Variants in PRKCE observed in about 807,000 individuals in gnomAD.
PRKCE encodes protein kinase C epsilon type.
A neutral mutation model predicts 85.4 loss-of-function variants in PRKCE; 16 were observed. The observed-to-expected ratio is 0.19, with a 90% CI of 0.13 to 0.28. PRKCE has a LOEUF of 0.28. Among genes scored for constraint, PRKCE ranks in the 10% least tolerant of loss-of-function variants. The pLI is 1.00. For synonymous variants in PRKCE, 388 were observed against 371.5 expected (o/e 1.04, Z -0.51); for missense variants, 573 against 975.2 (o/e 0.59, Z 5.49).
intron 11 of PRKCE, among the ~76,000 whole-genome samples, chr2:46,105,370 G>T (rs960918660): frequency 6.6e-6 from 1 of 151,566 alleles, no homozygotes; most frequent in African/African-American, 2.4e-5. Flanking sequence ...AAATTAAAAG[G>T]TATTTCACAA....
intron 2 of PRKCE, among the ~76,000 whole-genome samples, chr2:45,849,971 A>G (rs1366822646): frequency 6.6e-6 from 1 of 152,206 alleles, no homozygotes; most frequent in Non-Finnish European, 1.5e-5. Context: ...GCCCCCATCA[A>G]GGAGTTTATA....
chr2:45,688,205 C>T (rs1677451000), intron 1 of PRKCE, among the ~76,000 whole-genome samples: 1 of 152,156 alleles, frequency 6.6e-6, no homozygotes, highest in Non-Finnish European at 1.5e-5. Flanking sequence ...AGAGAGGTCC[C>T]TGAGCAGTTG....
chr2:45,652,067 G>A lies in PRKCE; in HGVS notation c.-34G>A, dbSNP rs372046784. 2.2e-5 allele frequency: 32 copies of A among 1,478,492 alleles called. 1 individual carries two copies. The African/African-American group carries it at 4.4e-4, about 20-fold the overall frequency. 91.6% of individuals were successfully genotyped at this position (1,478,492 alleles called of 1,614,324 possible). On this transcript the variant is annotated 5_prime_UTR_variant, in exon 1 of 15. Transcript: ENST00000306156. This position sits in a 1 kb window ranked among gnomAD's most constrained non-coding sequence, Gnocchi z 7.7. Reference sequence around the variant, plus strand: ...CTTCATTCCTGCCCTCGGGGCAGACGGAGTGACCCCGGCCCCCACTCCCCG... The same window carrying A: ...CTTCATTCCTGCCCTCGGGGCAGACAGAGTGACCCCGGCCCCCACTCCCCG...
At chr2:45,953,800 C>T (rs1700791636) in intron 2 of PRKCE, among the ~76,000 whole-genome samples, 1 of 152,188 alleles carries the variant, frequency 6.6e-6, no homozygotes, top group Non-Finnish European at 1.5e-5. Context: ...TTTCTCAGCA[C>T]TCTCCAGGTG....
Position 45,807,593 on chromosome 2 carries a change from G to A in PRKCE, c.349-35407G>A, listed in dbSNP as rs190110407. Among the ~76,000 whole-genome samples, 20 of 152,304 alleles carry A rather than the reference G, an allele frequency of 1.3e-4. 1 individual carries two copies. In the South Asian group the frequency reaches 2.3e-3, roughly 17 times the overall value. ...CCAGACAAATCATGACTTCCACTCCGTTTCCATTTAGTCGAGGCAAGGTCT... is the reference window on the plus strand; with the variant it reads ...CCAGACAAATCATGACTTCCACTCCATTTCCATTTAGTCGAGGCAAGGTCT... On this transcript the variant is annotated intron_variant, in intron 1 of 14. Coordinates refer to ENST00000306156, the MANE Select transcript of PRKCE (RefSeq NM_005400.3).
At chr2:46,123,669 A>G (rs569849643) in intron 11 of PRKCE, among the ~76,000 whole-genome samples, 66 of 152,126 alleles carry the variant, frequency 4.3e-4, no homozygotes, top group Non-Finnish European at 7.2e-4. Flanking sequence ...TTGTATTAGT[A>G]GAGATAGGGT....
chr2:46,075,019 T>A (rs1668431975), intron 10 of PRKCE, among the ~76,000 whole-genome samples: 2 of 152,162 alleles, frequency 1.3e-5, no homozygotes, highest in Non-Finnish European at 1.5e-5. Context: ...AAGAATACTT[T>A]CATTTCTATG....
At chr2:45,959,268 T>A (rs147348751) in intron 2 of PRKCE, among the ~76,000 whole-genome samples, 24 of 152,266 alleles carry the variant, frequency 1.6e-4, no homozygotes, top group African/African-American at 5.8e-4. Flanking sequence ...CCAGGGCATC[T>A]CTAGAATGAA....
intron 10 of PRKCE, among the ~76,000 whole-genome samples, chr2:46,063,429 C>G (rs1261786967): frequency 1.3e-5 from 2 of 151,310 alleles, no homozygotes; most frequent in African/African-American, 2.4e-5. Flanking sequence ...TTTGTTCCTA[C>G]TTGGTGTTTT....
chr2:46,090,457 A>G (rs1670059932), intron 11 of PRKCE, among the ~76,000 whole-genome samples: 1 of 152,104 alleles, frequency 6.6e-6, no homozygotes, highest in Non-Finnish European at 1.5e-5. Flanking sequence ...TCTGTGATTG[A>G]GAACTCCACC....
intron 2 of PRKCE, among the ~76,000 whole-genome samples, chr2:45,889,220 G>A (rs1695529638): frequency 1.3e-5 from 2 of 152,158 alleles, no homozygotes; most frequent in Non-Finnish European, 2.9e-5. Flanking sequence ...TGTGAGTGCA[G>A]GAGAGCTGAC....
intron 1 of PRKCE, among the ~76,000 whole-genome samples, chr2:45,729,480 A>G (rs1451433987): frequency 1.3e-5 from 2 of 152,046 alleles, no homozygotes; most frequent in Non-Finnish European, 2.9e-5. Context: ...ATATGCATCT[A>G]TGTGTCCCCC....
At chr2:46,074,444 A>G (rs866786835) in intron 10 of PRKCE, among the ~76,000 whole-genome samples, 36 of 151,266 alleles carry the variant, frequency 2.4e-4, no homozygotes, top group African/African-American at 2.2e-4. Flanking sequence ...AAAAAAAAAA[A>G]AAAAGAAAAA....
intron 1 of PRKCE, among the ~76,000 whole-genome samples, chr2:45,655,915 G>T (rs369568224): frequency 1.3e-5 from 2 of 150,862 alleles, no homozygotes; most frequent in African/African-American, 2.4e-5. Context: ...TTGGAAGGAG[G>T]CATGAGCTGA....
intron 4 of PRKCE, 64 bp from the exon 5 acceptor site, chr2:45,980,232 G>C: frequency 1.3e-6 from 2 of 1,517,722 alleles, no homozygotes; most frequent in Non-Finnish European, 1.8e-6. Context: ...GCCCTGAATA[G>C]ATCCTGGGAG....
At chr2:45,684,935 A>G (rs372468803) in intron 1 of PRKCE, among the ~76,000 whole-genome samples, 10 of 152,346 alleles carry the variant, frequency 6.6e-5, no homozygotes, top group African/African-American at 2.4e-4. Flanking sequence ...CCAGGTGAGG[A>G]AGAGCTAGAT....
rs540130736 is a variant in PRKCE, at chr2:45,939,396, C to T, written c.413-37033C>T. The stretch of plus-strand genomic sequence containing the variant: ...TGGGCCTTGGAGCTGCCCTTCCTTC[C>T]GCATGTTGCTCTTTCATCATTTCAT... On this transcript the variant is annotated intron_variant, in intron 2 of 14. Coordinates refer to ENST00000306156, the MANE Select transcript of PRKCE (RefSeq NM_005400.3). 1.7e-3 allele frequency among the ~76,000 whole-genome samples: 258 copies of T among 152,262 alleles called. 1 individual carries two copies. Among genetic ancestry groups the T allele is most frequent in the African/African-American group, 5.1e-3 (212 of 41,558 alleles).
chr2:45,783,095 A>C (rs541564129), intron 1 of PRKCE, among the ~76,000 whole-genome samples: 8 of 152,318 alleles, frequency 5.3e-5, no homozygotes, highest in African/African-American at 1.9e-4. Context: ...CCCAGTGGCC[A>C]GTGTGCACTC....
At chr2:45,662,615 C>T (rs997511283) in intron 1 of PRKCE, among the ~76,000 whole-genome samples, 1 of 151,900 alleles carries the variant, frequency 6.6e-6, no homozygotes, top group Admixed American at 6.6e-5. Flanking sequence ...GGTTAACCTT[C>T]GCACCTGATA....
Sources: allele counts gnomAD v4.1 joint callset (sites outside exome capture counted in the v4.1 genomes callset), GRCh38; gene constraint gnomAD v4.1.1; non-coding constraint Gnocchi (gnomAD v3.1); transcripts MANE v1.5; gene names NCBI Gene and HGNC (gene_info 2026-07-23, HGNC 2026-07-21).